The following SYNE1 variants were observed in gnomAD, a reference collection of about 807,000 sequenced individuals.
SYNE1 encodes spectrin repeat containing nuclear envelope protein 1.
A neutral mutation model predicts 1,111.0 loss-of-function variants in SYNE1; 616 were observed. The observed-to-expected ratio is 0.55, with a 90% CI of 0.52 to 0.59. The LOEUF is 0.59. SYNE1 is among the 20% of genes least tolerant of loss of function. The pLI is 0.00. For synonymous variants in SYNE1, 3,855 were observed against 3,825.8 expected, an observed-to-expected ratio of 1.01 and a Z score of -0.28; for missense variants, 10,006 against 10,417.0, an observed-to-expected ratio of 0.96 and a Z score of 1.72.
chr6:152,306,156 G>GT (rs946706385), intron 91 of SYNE1, among the ~76,000 whole-genome samples: 1 of 151,870 alleles, frequency 6.6e-6, no homozygotes, highest in Admixed American at 6.6e-5. Context: ...TCTAAGTTCA[G>GT]TTTTTTTGTC....
At chr6:152,482,544 A>C (rs193210163) in intron 14 of SYNE1, among the ~76,000 whole-genome samples, 2 of 152,308 alleles carry the variant, frequency 1.3e-5, no homozygotes, top group Non-Finnish European at 1.5e-5. Flanking sequence ...ATATCACAAA[A>C]CACAAAGAGG....
intron 39 of SYNE1, among the ~76,000 whole-genome samples, chr6:152,420,107 A>G (rs1026892043): frequency 1.3e-5 from 2 of 152,190 alleles, no homozygotes; most frequent in Non-Finnish European, 2.9e-5. Flanking sequence ...CACAGAAGTA[A>G]CCAAAGTTTT....
intron 119 of SYNE1, among the ~76,000 whole-genome samples, chr6:152,219,883 G>A (rs1432620174): frequency 6.6e-6 from 1 of 152,186 alleles, no homozygotes; most frequent in East Asian, 1.9e-4. Context: ...ATCATTGAGA[G>A]ATAATAAGTG....
At position 152,521,011 on chromosome 6, in the gene SYNE1, A is replaced by G. The variant is rs183047418; in HGVS notation, c.226-469T>C. 7.2e-5 allele frequency among the ~76,000 whole-genome samples: 11 copies of G among 152,286 alleles called. No homozygotes were observed. The East Asian group carries it at 2.1e-3, about 29-fold the overall frequency. On this transcript the variant is annotated intron_variant, in intron 5 of 145. Transcript: ENST00000367255. ...TGACCACCATTAATCCCATCCTCCT[A>G]TCTGACTACATTGAGGGCACCCGTC... is the stretch of plus-strand genomic sequence containing the variant.
chr6:152,433,562 A>G, intron 34 of SYNE1: 1 of 547,504 alleles, frequency 1.8e-6, no homozygotes, highest in Non-Finnish European at 3.2e-6. Context: ...GATATTTCAC[A>G]CAATATTAAC....
chr6:152,484,280 AGTGTTCCAG>A (rs2098927933), intron 13 of SYNE1, among the ~76,000 whole-genome samples: 1 of 152,152 alleles, frequency 6.6e-6, no homozygotes, highest in Non-Finnish European at 1.5e-5. Context: ...TAGTGATAGA[AGTGTTCCAG>A]GGGTTTGAAA....
At chr6:152,332,014 A>G (rs745666483) in intron 77 of SYNE1, 124 bp from the exon 78 acceptor site, 160 of 1,394,946 alleles carry the variant, frequency 1.1e-4, no homozygotes, top group Non-Finnish European at 1.5e-4. Flanking sequence ...CTTGTTTCCC[A>G]GGCTGGAGTG....
intron 9 of SYNE1, among the ~76,000 whole-genome samples, chr6:152,503,546 T>G (rs2099041476): frequency 6.6e-6 from 1 of 152,194 alleles, no homozygotes; most frequent in Non-Finnish European, 1.5e-5. Flanking sequence ...TTAAAGGCAA[T>G]AGAAATGATT....
chr6:152,433,139 G>T (rs531901522), intron 34 of SYNE1, among the ~76,000 whole-genome samples: 22 of 150,838 alleles, frequency 1.5e-4, no homozygotes, highest in African/African-American at 4.9e-4. Flanking sequence ...TTGAAAATGT[G>T]TGGTATAAAA....
intron 24 of SYNE1, 76 bp from the exon 25 acceptor site, chr6:152,453,796 C>T: frequency 1.3e-6 from 2 of 1,592,600 alleles, no homozygotes; most frequent in Non-Finnish European, 8.6e-7. Context: ...AGCCTCTAAG[C>T]CTCCAAACAA....
At chr6:152,404,113 A>ATATATATATG (rs1554635472) in intron 46 of SYNE1, 100 bp downstream of exon 46, 6 of 712,508 alleles carry the variant, frequency 8.4e-6, no homozygotes, top group African/African-American at 1.8e-5. Flanking sequence ...AGATATATAT[A>ATATATATATG]TATACACACA....
intron 102 of SYNE1, among the ~76,000 whole-genome samples, chr6:152,256,031 G>A (rs2090726112): frequency 6.6e-6 from 1 of 152,094 alleles, no homozygotes; most frequent in South Asian, 2.1e-4. Flanking sequence ...CCCAGGAGGT[G>A]GAGGCTGCAG....
rs772308359 is a variant in SYNE1 at position 152,233,941 on chromosome 6, G to C, written c.20552C>G (p.Ala6851Gly). 6 of 1,614,098 alleles carry C rather than the reference G, an allele frequency of 3.7e-6. No individual in the cohort carries two copies. In the African/African-American group the frequency reaches 5.3e-5, roughly 14 times the overall value. The change falls in exon 112 of 146, where the codon GCC (alanine) becomes GGC (glycine). Residue 6851 changes from alanine (A) to glycine (G), a missense_variant. Around this residue, in one of 7 missense-constraint regions of SYNE1, gnomAD observed 2,182 missense variants for 2,287.8 expected, o/e 0.95. Transcript: ENST00000367255. Reference protein sequence around the residue: ...AFLEFSKEVDAQSSLKSSVLS... With the variant: ...AFLEFSKEVDGQSSLKSSVLS... ...AACAGATGATTTCAGGGAAGATTGG[G>C]CATCCACTTCTTTAGAAAACTCCTG...
intron 19 of SYNE1, 63 bp from the exon 20 acceptor site, chr6:152,462,953 AACTTTC>A (rs2098743068): frequency 6.3e-7 from 1 of 1,576,694 alleles, no homozygotes; most frequent in Non-Finnish European, 8.7e-7. Context: ...CTGGAACCAC[AACTTTC>A]ACTTTCACAT....
intron 11 of SYNE1, 65 bp from the exon 12 acceptor site, chr6:152,488,568 C>A: frequency 2.2e-6 from 2 of 904,382 alleles, no homozygotes; most frequent in Non-Finnish European, 3.6e-6. Context: ...CTGATTAATA[C>A]TTGACTGATT....
At position 152,471,609 on chromosome 6, in the gene SYNE1, T is replaced by TG. The variant is rs763628228; in HGVS notation, c.1619_1620insC (p.Gln541ThrfsTer10). 1 of 1,613,886 alleles carries TG rather than the reference T, an allele frequency of 6.2e-7. No individual in the cohort carries two copies. The highest frequency in any genetic ancestry group is 8.5e-7 in the Non-Finnish European group (1 of 1,179,818). ...ACGGGGGACTCACCACGTAGTTTTG[T>TG]AGAAGCTGCTCCACTGACTCTCTCC... is the stretch of plus-strand genomic sequence containing the variant. On this transcript the variant is annotated frameshift_variant, in exon 16 of 146. Transcript: ENST00000367255. LOFTEE classifies it high-confidence loss of function.
intron 6 of SYNE1, among the ~76,000 whole-genome samples, chr6:152,515,738 T>C (rs2623969): frequency 0.64 from 96,894 of 152,056 alleles, 31,387 homozygotes; most frequent in East Asian, 0.76. Context: ...TGGTTGGCTC[T>C]CTGTATTACT....
intron 11 of SYNE1, among the ~76,000 whole-genome samples, chr6:152,498,001 G>A (rs2154317948): frequency 6.6e-6 from 1 of 151,956 alleles, no homozygotes; most frequent in African/African-American, 2.4e-5. Context: ...TTACATTTGT[G>A]TACCATGTTC....
At position 152,309,986 on chromosome 6, in the gene SYNE1, G is replaced by A. The variant is rs754313756; in HGVS notation, c.17051C>T (p.Pro5684Leu). 43 of 1,613,974 alleles carry A rather than the reference G, an allele frequency of 2.7e-5. No individual in the cohort carries two copies. The Admixed American group carries it at 3.3e-4, about 13-fold the overall frequency. The change falls in exon 90 of 146, where the codon CCG becomes CTG. Residue 5684 changes from proline to leucine, a missense_variant. Transcript: ENST00000367255. The stretch of plus-strand genomic sequence containing the variant: ...GCAGAGCTGCACTGCTTGCACCTTC[G>A]GCTTCAGTGACTCCATCTCAGACAA... ...HLLSEMESLKPKVQAVQLCQS... is the reference protein window; with the variant it reads ...HLLSEMESLKLKVQAVQLCQS...
Sources: gnomAD v4.1 joint callset for allele counts (sites outside exome capture counted in the v4.1 genomes callset) on GRCh38, gnomAD v4.1.1 for gene constraint, gnomAD v4.1.1 regional missense constraint, MANE v1.5 for transcripts, NCBI Gene and HGNC (gene_info 2026-07-23, HGNC 2026-07-21) for gene names.